The following KIRREL1 variants were observed in gnomAD, a reference collection of about 807,000 sequenced individuals.
KIRREL1 encodes kirre like nephrin family adhesion molecule 1.
KIRREL1 carries 25 observed loss-of-function variants against 83.3 expected under a neutral mutation model. The observed-to-expected ratio is 0.30, with a 90% CI of 0.22 to 0.42. KIRREL1 has a LOEUF of 0.42. KIRREL1 is among the 10% of genes least tolerant of loss of function. The pLI, the probability that KIRREL1 is intolerant of heterozygous loss-of-function variation, is 1.00. For synonymous variants in KIRREL1, 388 were observed against 410.4 expected, an observed-to-expected ratio of 0.95 and a Z score of 0.66; for missense variants, 812 against 1,032.3, an observed-to-expected ratio of 0.79 and a Z score of 2.92.
At chr1:157,997,021 CT>C (rs928664221) in intron 1 of KIRREL1, among the ~76,000 whole-genome samples, 12 of 152,286 alleles carry the variant, frequency 7.9e-5, no homozygotes, top group African/African-American at 2.6e-4. Flanking sequence ...CTCTGCCCCC[CT>C]AGGACCTCTT....
At chr1:158,080,132 C>T (rs1244618670) in intron 3 of KIRREL1, among the ~76,000 whole-genome samples, 3 of 152,072 alleles carry the variant, frequency 2.0e-5, no homozygotes, top group East Asian at 1.9e-4. Context: ...CCAAGTATTC[C>T]GAGGAACCGT....
At chr1:158,061,233 C>A (rs923284882) in intron 1 of KIRREL1, among the ~76,000 whole-genome samples, 1 of 152,122 alleles carries the variant, frequency 6.6e-6, no homozygotes, top group African/African-American at 2.4e-5. Context: ...GGGAATATTG[C>A]CTGGTCCAGG....
At chr1:158,003,148 A>T (rs1447887331) in intron 1 of KIRREL1, among the ~76,000 whole-genome samples, 2 of 152,070 alleles carry the variant, frequency 1.3e-5, no homozygotes, top group Non-Finnish European at 2.9e-5. Flanking sequence ...TGCTCGCTCC[A>T]TTACCCAGCA....
chr1:157,993,861 G>T (rs929146538), intron 1 of KIRREL1, 133 bp downstream of exon 1: 2 of 505,894 alleles, frequency 4.0e-6, no homozygotes, highest in African/African-American at 2.0e-5. Context: ...CGAGGCGGGG[G>T]CTCGGTCCGG....
At chr1:158,084,779 A>G (rs1193784417) in intron 4 of KIRREL1, among the ~76,000 whole-genome samples, 200 bp downstream of exon 4, 2 of 152,256 alleles carry the variant, frequency 1.3e-5, no homozygotes, top group Non-Finnish European at 2.9e-5. Context: ...TTACTGTGTC[A>G]TTCAGTAGCT....
intron 1 of KIRREL1, among the ~76,000 whole-genome samples, chr1:157,999,153 T>C (rs756705303): frequency 1.3e-5 from 2 of 152,164 alleles, no homozygotes; most frequent in Non-Finnish European, 2.9e-5. Context: ...CCCCCTTCCC[T>C]AGTTCTCAGC....
chr1:158,005,125 G>A (rs958312165), intron 1 of KIRREL1, among the ~76,000 whole-genome samples: 1 of 152,196 alleles, frequency 6.6e-6, no homozygotes, highest in Admixed American at 6.5e-5. Context: ...AAGCTCTCGG[G>A]TGATGCTGAT....
At chr1:157,996,398 A>G (rs955639080) in intron 1 of KIRREL1, among the ~76,000 whole-genome samples, 2 of 152,078 alleles carry the variant, frequency 1.3e-5, no homozygotes, top group South Asian at 4.2e-4. Flanking sequence ...AAGAAAGATT[A>G]TAGCTAATCA....
chr1:158,030,951 A>C (rs1357642645), intron 1 of KIRREL1: 1 of 152,158 alleles, frequency 6.6e-6, no homozygotes, highest in African/African-American at 2.4e-5. Flanking sequence ...AGTGGACGAT[A>C]ATCCCATTGT....
chr1:158,066,724 C>T (rs1021059587), intron 1 of KIRREL1, among the ~76,000 whole-genome samples: 4 of 152,178 alleles, frequency 2.6e-5, no homozygotes, highest in African/African-American at 9.7e-5. Flanking sequence ...TGCCTTTCTC[C>T]ATCTCTTGCA....
chr1:158,019,935 G>C (rs899730291), intron 1 of KIRREL1, among the ~76,000 whole-genome samples: 1 of 152,192 alleles, frequency 6.6e-6, no homozygotes, highest in Non-Finnish European at 1.5e-5. Context: ...AATTGAGTAA[G>C]TTTGAAGTCA....
chr1:158,037,633 T>C (rs1417694404), intron 1 of KIRREL1, among the ~76,000 whole-genome samples: 1 of 152,118 alleles, frequency 6.6e-6, no homozygotes, highest in Non-Finnish European at 1.5e-5. Context: ...ATTATTTTAA[T>C]TATTATTAGC....
At chr1:158,026,139 G>A (rs1660162639) in intron 1 of KIRREL1, among the ~76,000 whole-genome samples, 1 of 152,204 alleles carries the variant, frequency 6.6e-6, no homozygotes, top group Non-Finnish European at 1.5e-5. Flanking sequence ...AAGCAGAGAA[G>A]GAGCTGCAGG....
rs781476621 is a variant in KIRREL1 at position 158,094,441 on chromosome 1, T to C, written c.1797+51T>C. On this transcript the variant is annotated intron_variant, in intron 14 of 14. Coordinates refer to ENST00000359209, the MANE Select transcript of KIRREL1 (RefSeq NM_018240.7). The surrounding 1 kb of genome is among the most constrained non-coding windows in gnomAD (Gnocchi z 4.6). ...CATGAGGGCTGGTGGGCCAGTGGGT[T>C]TCTGAGGTCCTGTAGCGGGGAGGTG... is the stretch of plus-strand genomic sequence containing the variant. 2.6e-6 allele frequency: 4 copies of C among 1,564,584 alleles called. No individual in the cohort carries two copies. Among genetic ancestry groups the C allele is most frequent in the African/African-American group, 2.7e-5 (2 of 74,156 alleles).
rs185020754 is a variant in KIRREL1 at position 158,091,617 on chromosome 1, T to C, written c.1471+61T>C. 3 of 1,518,772 alleles carry C rather than the reference T, an allele frequency of 2.0e-6. No homozygotes were observed. In the Admixed American group the frequency reaches 5.0e-5, roughly 26 times the overall value. 94.1% of individuals were successfully genotyped at this position (1,518,772 alleles called of 1,614,324 possible). A position where few individuals can be genotyped will look rare whatever the true frequency, so the allele number is the denominator to read the frequency against. On this transcript the variant is annotated intron_variant, in intron 11 of 14. Coordinates refer to ENST00000359209, the MANE Select transcript of KIRREL1 (RefSeq NM_018240.7). ...AGCAGCCTGAGGATTCTGCTCCTTC[T>C]TTTCTCCAGGGGCAGGGCTCAGCTG... is the stretch of plus-strand genomic sequence containing the variant.
At position 158,095,142 on chromosome 1, in the gene KIRREL1, A is replaced by G. The variant is rs978274882; in HGVS notation, c.*22A>G. On this transcript the variant is annotated 3_prime_UTR_variant, in exon 15 of 15. Coordinates refer to ENST00000359209, the MANE Select transcript of KIRREL1 (RefSeq NM_018240.7). Reference sequence around the variant, plus strand: ...GTAGGGGCCAGAGCCTGGCTGGGGCATCTCTGCGGGGCAGAGGAGAAGGCT... The same window carrying G: ...GTAGGGGCCAGAGCCTGGCTGGGGCGTCTCTGCGGGGCAGAGGAGAAGGCT... The G allele has an allele frequency of 4.6e-6, 7 of 1,521,238 alleles. No individual in the cohort carries two copies. In the African/African-American group the frequency reaches 9.6e-5, roughly 21 times the overall value. The allele number at this position is 1,521,238 out of a possible 1,614,324, so 94.2% of individuals were successfully genotyped here.
intron 1 of KIRREL1, among the ~76,000 whole-genome samples, chr1:158,037,398 CA>C (rs1660506779): frequency 6.7e-6 from 1 of 148,720 alleles, no homozygotes; most frequent in Non-Finnish European, 1.5e-5. Context: ...GAGGCTGACG[CA>C]GGAGAATCAC....
In KIRREL1 at chr1:157,993,700, C is replaced by G. The variant is rs764614837; in HGVS notation, c.24C>G (p.Ile8Met). The G allele has an allele frequency of 1.2e-5, 18 of 1,495,498 alleles. No individual in the cohort carries two copies. Among genetic ancestry groups the G allele is most frequent in the East Asian group, 1.2e-4 (4 of 33,972 alleles). 92.6% of individuals were successfully genotyped at this position (1,495,498 alleles called of 1,614,324 possible). ...GCATGCTGAGCCTCCTCGTCTGGAT[C>G]CTCACTCTCTCCGATACTTTCTCCC... MLSLLVW[I>M]LTLSDTFSQG... is the part of the protein sequence containing the mutation. Residue 8 changes from isoleucine (I) to methionine (M), a missense_variant, in exon 1 of 15, where the codon ATC (isoleucine) becomes ATG (methionine). Physicochemically the swap from Ile to Met is conservative, Grantham distance 10. This residue lies in a region of KIRREL1 where 472 missense variants were observed against 626.8 expected (regional missense o/e 0.75). Coordinates refer to ENST00000359209, the MANE Select transcript of KIRREL1 (RefSeq NM_018240.7).
intron 1 of KIRREL1, among the ~76,000 whole-genome samples, chr1:158,020,104 G>T (rs113937784): frequency 5.3e-5 from 8 of 152,166 alleles, no homozygotes; most frequent in African/African-American, 1.9e-4. Flanking sequence ...GGGTCTTGGG[G>T]TGGACAGAAT....
Sources: gnomAD v4.1 joint callset for allele counts (sites outside exome capture counted in the v4.1 genomes callset) on GRCh38, gnomAD v4.1.1 for gene constraint, gnomAD v4.1.1 regional missense constraint, Gnocchi (gnomAD v3.1) non-coding constraint, MANE v1.5 for transcripts, NCBI Gene and HGNC (gene_info 2026-07-23, HGNC 2026-07-21) for gene names.